The following PARVA variants were observed in gnomAD, a reference collection of about 807,000 sequenced individuals.
The protein encoded by PARVA is parvin alpha, also known as alpha-parvin.
Under a neutral mutation model 52.6 loss-of-function variants are expected in PARVA, and 25 were observed. That is an observed-to-expected ratio of 0.48 (90% CI 0.35 to 0.66). PARVA has a LOEUF of 0.66. PARVA is among the 30% of genes least tolerant of loss of function. The pLI, the probability that PARVA is intolerant of heterozygous loss-of-function variation, is 0.01. For missense variants in PARVA, 373 were observed against 450.9 expected (o/e 0.83, Z 1.56); for synonymous variants, 185 against 179.1 (o/e 1.03, Z -0.26).
chr11:12,438,960 T>C (rs1455980605), intron 1 of PARVA, among the ~76,000 whole-genome samples: 1 of 152,160 alleles, frequency 6.6e-6, no homozygotes, highest in African/African-American at 2.4e-5. Flanking sequence ...GCCCAGCAGT[T>C]CAGAGGAAGA....
At chr11:12,396,517 T>C (rs1482032537) in intron 1 of PARVA, among the ~76,000 whole-genome samples, 4 of 152,174 alleles carry the variant, frequency 2.6e-5, no homozygotes, top group African/African-American at 9.7e-5. Context: ...AGCTCCAGTC[T>C]CCTCATCTGC....
chr11:12,420,390 G>C (rs116974625), intron 1 of PARVA, among the ~76,000 whole-genome samples: 2 of 152,162 alleles, frequency 1.3e-5, no homozygotes, highest in Admixed American at 1.3e-4. Flanking sequence ...GTGAGGAAAC[G>C]TAGGTTTAAA....
At chr11:12,512,204 C>G (rs778416607) in intron 8 of PARVA, among the ~76,000 whole-genome samples, 6 of 152,168 alleles carry the variant, frequency 3.9e-5, no homozygotes, top group Admixed American at 2.0e-4. Context: ...CAGTTCTGCT[C>G]TAATTGTCTC....
intron 12 of PARVA, among the ~76,000 whole-genome samples, chr11:12,526,892 A>C (rs943674136): frequency 6.6e-6 from 1 of 151,930 alleles, no homozygotes; most frequent in African/African-American, 2.4e-5. Context: ...GAGCCAGCAG[A>C]GGGTTAGAGG....
At chr11:12,513,214 G>A (rs1941524588) in intron 8 of PARVA, 85 bp from the exon 9 acceptor site, 1 of 1,090,930 alleles carries the variant, frequency 9.2e-7, no homozygotes, top group Non-Finnish European at 1.4e-6. Context: ...GTGACCTTGA[G>A]AGGCGCGTGG....
intron 1 of PARVA, among the ~76,000 whole-genome samples, chr11:12,378,793 T>C (rs61875413): frequency 0.018 from 2,715 of 152,278 alleles, 36 homozygotes; most frequent in Non-Finnish European, 0.028. Context: ...GCACATGTGA[T>C]AATGTAATAC....
intron 3 of PARVA, among the ~76,000 whole-genome samples, chr11:12,477,409 T>C (rs557514317): frequency 6.6e-6 from 1 of 152,300 alleles, no homozygotes; most frequent in South Asian, 2.1e-4. Context: ...ATTTTTTTTA[T>C]GGCCGTACAC....
intron 7 of PARVA, among the ~76,000 whole-genome samples, chr11:12,510,208 T>C (rs967037745): frequency 3.3e-5 from 5 of 152,224 alleles, no homozygotes; most frequent in South Asian, 2.1e-4. Flanking sequence ...GACTGTGCCC[T>C]TGGTTTATCC....
intron 5 of PARVA, among the ~76,000 whole-genome samples, chr11:12,498,705 G>T (rs1229045099): frequency 2.0e-5 from 3 of 151,390 alleles, no homozygotes; most frequent in Non-Finnish European, 4.4e-5. Flanking sequence ...CTCCTGAGTA[G>T]CTGGGATTAC....
intron 10 of PARVA, 31 bp from the exon 11 acceptor site, chr11:12,517,579 G>A (rs1400357422): frequency 6.7e-7 from 1 of 1,485,618 alleles, no homozygotes; most frequent in East Asian, 2.4e-5. Flanking sequence ...GAGGCTCAGG[G>A]GCCAGTGCCA....
intron 1 of PARVA, among the ~76,000 whole-genome samples, chr11:12,415,425 T>C (rs12292717): frequency 0.14 from 21,604 of 151,752 alleles, 2,071 homozygotes; most frequent in East Asian, 0.31. Context: ...AATGAAGTGG[T>C]GTGGCCTTGC....
At chr11:12,502,857 A>G (rs929073567) in intron 5 of PARVA, among the ~76,000 whole-genome samples, 1 of 152,064 alleles carries the variant, frequency 6.6e-6, no homozygotes, top group African/African-American at 2.4e-5. Context: ...CTGTACATCC[A>G]CATAGGTTCT....
chr11:12,482,052 A>C (rs1316999913), intron 4 of PARVA, among the ~76,000 whole-genome samples: 4 of 151,152 alleles, frequency 2.6e-5, no homozygotes, highest in Admixed American at 6.6e-5. Context: ...GCTACTTGCG[A>C]GGCTAAGACA....
intron 1 of PARVA, among the ~76,000 whole-genome samples, chr11:12,379,759 C>T (rs2134939721): frequency 6.6e-6 from 1 of 152,308 alleles, no homozygotes; most frequent in South Asian, 2.1e-4. Flanking sequence ...GCAGCAAAAA[C>T]ATACAAAAGT....
chr11:12,496,070 A>G (rs1321336041), intron 4 of PARVA, among the ~76,000 whole-genome samples: 2 of 152,216 alleles, frequency 1.3e-5, no homozygotes, highest in African/African-American at 2.4e-5. Context: ...AGACTGTACT[A>G]CAGGAATGTA....
rs139068662 is a variant in PARVA at position 12,532,805 on chromosome 11, C to T, written c.*4880C>T. ...GAAGACCTGGCTCCCCAGAGGAGTG[C>T]GGAAAGCCAGCATGGCTAGAGGACA... On this transcript the variant is annotated 3_prime_UTR_variant, in exon 13 of 13. Coordinates refer to ENST00000334956, the MANE Select transcript of PARVA (RefSeq NM_018222.5). 0.014 allele frequency among the ~76,000 whole-genome samples: 2,117 copies of T among 152,256 alleles called. 23 individuals are homozygous for T. The highest frequency in any genetic ancestry group is 0.075 in the Middle Eastern group (22 of 294).
At chr11:12,387,479 G>A (rs1157333779) in intron 1 of PARVA, among the ~76,000 whole-genome samples, 2 of 152,074 alleles carry the variant, frequency 1.3e-5, no homozygotes. Flanking sequence ...GGAGTCCCCA[G>A]GTTACCCCAA....
In PARVA at chr11:12,463,315, T is replaced by A. The variant is rs1022907020; in HGVS notation, c.137-10430T>A. ...CTTAACATACTCTATCTGTTCCACA[T>A]TACGTTTTGTCTTCATGTCTCCTTA... On this transcript the variant is annotated intron_variant, in intron 1 of 12. Transcript: ENST00000334956. 1.1e-4 allele frequency among the ~76,000 whole-genome samples: 17 copies of A among 152,256 alleles called. 1 individual carries two copies. In the South Asian group the frequency reaches 2.9e-3, roughly 26 times the overall value.
intron 5 of PARVA, among the ~76,000 whole-genome samples, chr11:12,500,362 G>T (rs768905857): frequency 1.3e-4 from 20 of 152,280 alleles, no homozygotes; most frequent in Non-Finnish European, 2.6e-4. Context: ...CTCAGCTTCT[G>T]TTGAGCACAG....
Sources: allele counts gnomAD v4.1 joint callset (sites outside exome capture counted in the v4.1 genomes callset), GRCh38; gene constraint gnomAD v4.1.1; transcripts MANE v1.5; gene names NCBI Gene and HGNC (gene_info 2026-07-23, HGNC 2026-07-21).